Variants in KDM1A observed in about 807,000 individuals in gnomAD.
KDM1A encodes the protein lysine-specific histone demethylase 1A.
KDM1A carries 49 observed loss-of-function variants against 109.4 expected under a neutral mutation model. The observed-to-expected ratio is 0.45, with a 90% CI of 0.36 to 0.57. The LOEUF (loss-of-function observed/expected upper bound fraction) is 0.57. Ranked by LOEUF, KDM1A falls within the 20% of genes least tolerant of loss-of-function variation. The pLI, the probability that KDM1A is intolerant of heterozygous loss-of-function variation, is 0.00. For synonymous variants in KDM1A, 380 were observed against 415.4 expected (o/e 0.91, Z 1.04); for missense variants, 668 against 1,116.6 (o/e 0.60, Z 5.73).
At chr1:23,075,085 T>TC (rs1343709929) in intron 15 of KDM1A, among the ~76,000 whole-genome samples, 1 of 152,250 alleles carries the variant, frequency 6.6e-6, no homozygotes, top group Admixed American at 6.5e-5. Flanking sequence ...TGAATTGCCA[T>TC]CTTAACAATA....
intron 18 of KDM1A, chr1:23,080,967 T>C (rs976477456): frequency 1.9e-5 from 3 of 154,004 alleles, no homozygotes; most frequent in African/African-American, 7.2e-5. Context: ...CCTTTTCTAG[T>C]ACTGTGCCTA....
At chr1:23,053,569 T>G (rs557314585) in intron 4 of KDM1A, among the ~76,000 whole-genome samples, 192 bp from the exon 5 acceptor site, 7 of 152,092 alleles carry the variant, frequency 4.6e-5, no homozygotes, top group Non-Finnish European at 8.8e-5. Flanking sequence ...TATTTTTAGT[T>G]GAGATGGGGT....
chr1:23,082,133 C>G, intron 19 of KDM1A, 87 bp from the exon 20 acceptor site: 1 of 1,429,008 alleles, frequency 7.0e-7, no homozygotes, highest in South Asian at 1.3e-5. Flanking sequence ...TCACTTGCAT[C>G]TCCACCCACC....
In KDM1A at chr1:23,068,662, G is replaced by A; in HGVS notation, c.1303G>A (p.Ala435Thr). 6.4e-7 allele frequency: 1 copy of A among 1,565,530 alleles called. No individual in the cohort carries two copies. The highest frequency in any genetic ancestry group is 8.6e-7 in the Non-Finnish European group (1 of 1,165,254). ...LNNKPVSLGQALEVVIQLQEK... is the reference protein window; with the variant it reads ...LNNKPVSLGQTLEVVIQLQEK... ...TAATAAGCCTGTGTCCCTTGGCCAG[G>A]CATTGGAAGTTGTCATTCAGTAAGT... The change falls in exon 11 of 21, where the codon GCA (alanine) becomes ACA (threonine). Residue 435 changes from alanine to threonine, a missense_variant. By Grantham distance (58) the Ala-to-Thr change is moderately conservative. Around this residue, in one of 8 missense-constraint regions of KDM1A, gnomAD observed 62 missense variants for 82.8 expected, o/e 0.75. Transcript: ENST00000400181.
intron 8 of KDM1A, 72 bp downstream of exon 8, chr1:23,057,637 G>A (rs1642870284): frequency 1.8e-6 from 2 of 1,135,950 alleles, no homozygotes; most frequent in Admixed American, 1.8e-5. Flanking sequence ...AGCCAGAGAT[G>A]CTATTTTAAA....
At chr1:23,065,457 A>G (rs1643134780) in intron 9 of KDM1A, among the ~76,000 whole-genome samples, 1 of 152,214 alleles carries the variant, frequency 6.6e-6, no homozygotes, top group Non-Finnish European at 1.5e-5. Context: ...TATTTTCCAA[A>G]TATTCCTTTA....
intron 20 of KDM1A, 178 bp from the exon 21 acceptor site, chr1:23,083,001 C>T: frequency 1.7e-6 from 1 of 578,174 alleles, no homozygotes; most frequent in Non-Finnish European, 3.1e-6. Context: ...CTCATTTCTA[C>T]TTGTCAATTC....
At chr1:23,078,272 C>T (rs567544544) in intron 16 of KDM1A, among the ~76,000 whole-genome samples, 4 of 152,196 alleles carry the variant, frequency 2.6e-5, no homozygotes, top group Non-Finnish European at 4.4e-5. Context: ...TGCAGGCAGA[C>T]GGAGAACAGT....
intron 3 of KDM1A, among the ~76,000 whole-genome samples, chr1:23,047,619 A>G (rs972519933): frequency 5.9e-5 from 9 of 152,206 alleles, no homozygotes; most frequent in African/African-American, 2.2e-4. Flanking sequence ...AGAACATCTG[A>G]GGCCAGGCGC....
chr1:23,044,341 G>A (rs1468871085), intron 2 of KDM1A, 86 bp from the exon 3 acceptor site: 1 of 1,217,704 alleles, frequency 8.2e-7, no homozygotes, highest in Admixed American at 2.0e-5. Flanking sequence ...GTGAATTCAT[G>A]AGTCGCCAAC....
rs1282208764 is a variant in KDM1A, at chr1:23,030,477, C to T, written c.360C>T (p.Tyr120=). 1 of 1,587,468 alleles carries T rather than the reference C, an allele frequency of 6.3e-7. No individual in the cohort carries two copies. The highest frequency in any genetic ancestry group is 1.4e-5 in the African/African-American group (1 of 73,464). The change falls in exon 2 of 21, where the codon TAC becomes TAT. Residue 120 remains tyrosine (Y), a synonymous_variant. Coordinates refer to ENST00000400181, the MANE Select transcript of KDM1A (RefSeq NM_001009999.3). ...GTATGATCTCCATATAGGTAGAGTA[C>T]AGAGAGATGGATGAAAGCTTGGCCA... ...TSRRKRAKVE[Y]REMDESLANL...
chr1:23,058,368 C>T lies in KDM1A; in HGVS notation c.1073-705C>T, dbSNP rs183174549. Among the ~76,000 whole-genome samples, 191 of 152,280 alleles carry T rather than the reference C, an allele frequency of 1.3e-3. No individual in the cohort carries two copies. In the Middle Eastern group the frequency reaches 0.014, roughly 11 times the overall value. Reference sequence around the variant, plus strand: ...TGCTAGGATTACCAGCATGAGCCACCATGTATGGCTTAAACTAGCTTTTGA... The same window carrying T: ...TGCTAGGATTACCAGCATGAGCCACTATGTATGGCTTAAACTAGCTTTTGA... On this transcript the variant is annotated intron_variant, in intron 8 of 20. Transcript: ENST00000400181.
chr1:23,054,821 T>C (rs1371013184), intron 5 of KDM1A, among the ~76,000 whole-genome samples: 1 of 152,118 alleles, frequency 6.6e-6, no homozygotes, highest in East Asian at 1.9e-4. Flanking sequence ...AGACAGGGTC[T>C]TGCTGTGTTT....
chr1:23,020,092 T>C, intron 1 of KDM1A, 145 bp downstream of exon 1: 1 of 843,008 alleles, frequency 1.2e-6, no homozygotes, highest in Non-Finnish European at 1.7e-6. Context: ...ACGTCCCCTC[T>C]AGCTGGACGG....
chr1:23,070,315 C>G (rs1370839271), intron 12 of KDM1A, among the ~76,000 whole-genome samples: 1 of 151,866 alleles, frequency 6.6e-6, no homozygotes, highest in East Asian at 1.9e-4. Context: ...TACTAAAATA[C>G]AAAAAATTTG....
At chr1:23,059,903 A>G (rs1052657654) in intron 9 of KDM1A, among the ~76,000 whole-genome samples, 4 of 152,208 alleles carry the variant, frequency 2.6e-5, no homozygotes, top group African/African-American at 9.7e-5. Flanking sequence ...GTGATTTCCT[A>G]TGTATACGGT....
At chr1:23,061,054 C>G (rs993124365) in intron 9 of KDM1A, among the ~76,000 whole-genome samples, 2 of 152,126 alleles carry the variant, frequency 1.3e-5, no homozygotes, top group East Asian at 1.9e-4. Flanking sequence ...GAACTTTTTT[C>G]TAGTAGAGAT....
chr1:23,056,158 C>A, intron 7 of KDM1A, 120 bp downstream of exon 7: 1 of 635,308 alleles, frequency 1.6e-6, no homozygotes, highest in African/African-American at 1.9e-5. Context: ...GTATAATACT[C>A]AGAGTATTTT....
At chr1:23,031,119 A>T (rs1233645627) in intron 2 of KDM1A, among the ~76,000 whole-genome samples, 1 of 152,232 alleles carries the variant, frequency 6.6e-6, no homozygotes, top group Non-Finnish European at 1.5e-5. Context: ...CCTGGTGAAC[A>T]AATGTAAAAA....
Sources: gnomAD v4.1 joint callset for allele counts (sites outside exome capture counted in the v4.1 genomes callset) on GRCh38, gnomAD v4.1.1 for gene constraint, gnomAD v4.1.1 regional missense constraint, MANE v1.5 for transcripts, NCBI Gene and HGNC (gene_info 2026-07-23, HGNC 2026-07-21) for gene names.